Variants in MAPK4 observed in about 807,000 individuals in gnomAD.
MAPK4 encodes the protein mitogen-activated protein kinase 4, also known as Erk3-related.
Under a neutral mutation model 47.7 loss-of-function variants are expected in MAPK4, and 22 were observed. The ratio of observed to expected loss-of-function variants is 0.46; its 90% CI spans 0.33 to 0.66. MAPK4 has a LOEUF of 0.66. Among genes scored for constraint, MAPK4 ranks in the 30% least tolerant of loss-of-function variants. The pLI is 0.02. For synonymous variants in MAPK4, 390 were observed against 365.7 expected, an observed-to-expected ratio of 1.07 and a Z score of -0.76; for missense variants, 736 against 831.7, an observed-to-expected ratio of 0.88 and a Z score of 1.42.
chr18:50,682,451 T>C (rs1256029560), intron 2 of MAPK4, among the ~76,000 whole-genome samples: 4 of 152,088 alleles, frequency 2.6e-5, no homozygotes. Context: ...CTAAACCTTA[T>C]TGTGATAGCA....
At chr18:50,568,338 A>G (rs1245916341) in intron 1 of MAPK4, among the ~76,000 whole-genome samples, 2 of 152,232 alleles carry the variant, frequency 1.3e-5, no homozygotes, top group African/African-American at 2.4e-5. Flanking sequence ...AAGCAAGCTT[A>G]GATGGAGAGA....
chr18:50,586,111 A>G (rs2042385670), intron 1 of MAPK4, among the ~76,000 whole-genome samples: 1 of 152,234 alleles, frequency 6.6e-6, no homozygotes, highest in Non-Finnish European at 1.5e-5. Flanking sequence ...GTACAGGGAC[A>G]TCTTATATCC....
intron 1 of MAPK4, among the ~76,000 whole-genome samples, chr18:50,637,768 T>C (rs2042900460): frequency 6.6e-6 from 1 of 152,214 alleles, no homozygotes. Flanking sequence ...TCTCTCTCCC[T>C]GGCTTGCACG....
chr18:50,697,305 C>T (rs1381628358), intron 2 of MAPK4, among the ~76,000 whole-genome samples: 1 of 152,206 alleles, frequency 6.6e-6, no homozygotes, highest in African/African-American at 2.4e-5. Context: ...AGCAAACCTA[C>T]CGGCGTAGCA....
intron 3 of MAPK4, among the ~76,000 whole-genome samples, chr18:50,720,722 GGTGGT>G (rs1179756328): frequency 6.6e-6 from 1 of 152,168 alleles, no homozygotes; most frequent in Admixed American, 6.5e-5. Context: ...TCCCCTGGTG[GGTGGT>G]GTGGAGTACA....
chr18:50,713,914 C>G (rs762424647), intron 2 of MAPK4, among the ~76,000 whole-genome samples: 1 of 152,100 alleles, frequency 6.6e-6, no homozygotes, highest in Non-Finnish European at 1.5e-5. Context: ...AGGCTCTACT[C>G]GGAGGAAATA....
At chr18:50,630,985 C>A (rs1383764175) in intron 1 of MAPK4, among the ~76,000 whole-genome samples, 1 of 152,208 alleles carries the variant, frequency 6.6e-6, no homozygotes, top group Non-Finnish European at 1.5e-5. Flanking sequence ...AATTTTACTA[C>A]TCCCTAAAAT....
At chr18:50,577,600 T>TTGTGCACCAGGGTTACCC (rs1156837141) in intron 1 of MAPK4, among the ~76,000 whole-genome samples, 1 of 152,198 alleles carries the variant, frequency 6.6e-6, no homozygotes, top group Admixed American at 6.5e-5. Flanking sequence ...CAGGGTTACC[T>TTGTGCACCAGGGTTACCC]TGTGCACCAG....
In MAPK4 at chr18:50,729,692, C is replaced by T. The variant is rs1911441689; in HGVS notation, c.1602C>T (p.Ser534=). Residue 534 remains serine, a synonymous_variant, in exon 6 of 6, where the codon AGC becomes AGT. Coordinates refer to ENST00000400384, the MANE Select transcript of MAPK4 (RefSeq NM_002747.4). ...CGGCCCCGGTGGACGGCGGCGCCAG[C>T]CCCCAGTTCGACCTGGACGTGTTCA... is the stretch of plus-strand genomic sequence containing the variant. ...GRPAPVDGGA[S]PQFDLDVFIS... 6.4e-7 allele frequency: 1 copy of T among 1,553,836 alleles called. No individual in the cohort carries two copies. The highest frequency in any genetic ancestry group is 2.0e-5 in the Admixed American group (1 of 50,944).
At chr18:50,699,529 A>C (rs991558209) in intron 2 of MAPK4, among the ~76,000 whole-genome samples, 5 of 152,264 alleles carry the variant, frequency 3.3e-5, no homozygotes, top group African/African-American at 1.2e-4. Flanking sequence ...TCATTTGTGT[A>C]TACTGGGGGC....
intron 1 of MAPK4, among the ~76,000 whole-genome samples, chr18:50,563,457 A>T (rs1030110088): frequency 7.2e-5 from 11 of 152,220 alleles, no homozygotes; most frequent in Non-Finnish European, 1.5e-4. Context: ...GCTAGGTGTC[A>T]GGTGGGGGGC....
intron 1 of MAPK4, among the ~76,000 whole-genome samples, chr18:50,563,668 C>T (rs1372204860): frequency 6.6e-6 from 1 of 152,188 alleles, no homozygotes; most frequent in East Asian, 1.9e-4. Flanking sequence ...GCATCCCTCC[C>T]TCCTTGCAGG....
intron 4 of MAPK4, 121 bp downstream of exon 4, chr18:50,722,220 G>T: frequency 8.8e-7 from 1 of 1,141,848 alleles, no homozygotes; most frequent in Non-Finnish European, 1.2e-6. Flanking sequence ...GGATATAAAA[G>T]TCAAGGCTCC....
chr18:50,608,803 G>A (rs529988384), intron 1 of MAPK4, among the ~76,000 whole-genome samples: 1 of 152,154 alleles, frequency 6.6e-6, no homozygotes, highest in Admixed American at 6.5e-5. Context: ...GACAATAGTG[G>A]AGGGAAGGTC....
intron 1 of MAPK4, among the ~76,000 whole-genome samples, chr18:50,635,615 T>C (rs1266591402): frequency 6.6e-6 from 1 of 152,216 alleles, no homozygotes; most frequent in Non-Finnish European, 1.5e-5. Context: ...TCAGTGACTT[T>C]CTGTTGTTAG....
At chr18:50,627,091 G>T (rs550943434) in intron 1 of MAPK4, among the ~76,000 whole-genome samples, 2 of 131,182 alleles carry the variant, frequency 1.5e-5, no homozygotes, top group African/African-American at 5.9e-5. Context: ...CTCCATTTCC[G>T]CTCCTGCTTT....
chr18:50,702,424 A>G (rs920141381), intron 2 of MAPK4, among the ~76,000 whole-genome samples: 1 of 152,196 alleles, frequency 6.6e-6, no homozygotes, highest in Non-Finnish European at 1.5e-5. Flanking sequence ...AAATTGTCAC[A>G]GAAGAGAAGA....
chr18:50,601,626 A>G (rs2218003), intron 1 of MAPK4, among the ~76,000 whole-genome samples: 83,403 of 151,864 alleles, frequency 0.55, 23,062 homozygotes, highest in African/African-American at 0.63. Context: ...GGTCTTTTGA[A>G]TAGGATGCAC....
chr18:50,602,359 C>A (rs1468716848), intron 1 of MAPK4, among the ~76,000 whole-genome samples: 2 of 152,170 alleles, frequency 1.3e-5, no homozygotes, highest in African/African-American at 4.8e-5. Flanking sequence ...TTCCCTGAAC[C>A]CATTTGGGCT....
Sources: gnomAD v4.1 joint callset for allele counts (sites outside exome capture counted in the v4.1 genomes callset) on GRCh38, gnomAD v4.1.1 for gene constraint, MANE v1.5 for transcripts, NCBI Gene and HGNC (gene_info 2026-07-23, HGNC 2026-07-21) for gene names.